Variants in TENM4 observed in about 807,000 individuals in gnomAD.
TENM4 encodes teneurin transmembrane protein 4, also known as teneurin-4.
A neutral mutation model predicts 243.3 loss-of-function variants in TENM4; 82 were observed. That is an observed-to-expected ratio of 0.34 (90% CI 0.28 to 0.40). The LOEUF is 0.40. TENM4 is among the 10% of genes least tolerant of loss of function. TENM4 has a pLI of 1.00. For missense variants in TENM4, 3,138 were observed against 3,673.3 expected (o/e 0.85, Z 3.77); for synonymous variants, 1,412 against 1,456.3 (o/e 0.97, Z 0.69).
intron 12 of TENM4, among the ~76,000 whole-genome samples, chr11:78,842,051 C>G (rs1858270159): frequency 6.6e-6 from 1 of 152,174 alleles, no homozygotes; most frequent in Non-Finnish European, 1.5e-5. Context: ...TACTCTGTTA[C>G]ACCCACACTC....
intron 20 of TENM4, among the ~76,000 whole-genome samples, chr11:78,736,340 A>G (rs528936992): frequency 6.6e-6 from 1 of 151,842 alleles, no homozygotes; most frequent in African/African-American, 2.4e-5. Context: ...GTTTTTCTTC[A>G]TGGCCTCTAT....
At chr11:79,279,872 T>C (rs898259175) in intron 2 of TENM4, among the ~76,000 whole-genome samples, 6 of 152,160 alleles carry the variant, frequency 3.9e-5, no homozygotes, top group African/African-American at 1.4e-4. Context: ...TATTAAGAGG[T>C]GTGACCTTTG....
At chr11:78,873,724 T>A (rs1160871836) in intron 9 of TENM4, among the ~76,000 whole-genome samples, 1 of 152,228 alleles carries the variant, frequency 6.6e-6, no homozygotes, top group Non-Finnish European at 1.5e-5. Context: ...ACACTTGACA[T>A]GGTATCTCTT....
At chr11:78,854,654 T>C (rs1266594253) in intron 11 of TENM4, among the ~76,000 whole-genome samples, 1 of 152,122 alleles carries the variant, frequency 6.6e-6, no homozygotes, top group East Asian at 1.9e-4. Flanking sequence ...GGGTGTGTGG[T>C]TAGAAACACA....
intron 2 of TENM4, among the ~76,000 whole-genome samples, chr11:79,217,350 T>C (rs1343550673): frequency 1.3e-5 from 2 of 152,114 alleles, no homozygotes; most frequent in Non-Finnish European, 2.9e-5. Context: ...AATGCCTTAT[T>C]ATACAAGAGA....
At position 79,143,758 on chromosome 11, in the gene TENM4, G is replaced by C. The variant is rs75026081; in HGVS notation, c.-66+4952C>G. On this transcript the variant is annotated intron_variant, in intron 4 of 33. Coordinates refer to ENST00000278550, the MANE Select transcript of TENM4 (RefSeq NM_001098816.3). ...ACAAGGTATCCATATGCAGAAGAAT[G>C]AAACTAGATCCCTACCTCTCACCAT... Among the ~76,000 whole-genome samples the C allele has an allele frequency of 4.2e-3, 633 of 151,848 alleles. 5 individuals carry two copies. The highest frequency in any genetic ancestry group is 0.014 in the African/African-American group (599 of 41,516).
intron 4 of TENM4, among the ~76,000 whole-genome samples, chr11:79,079,052 C>T (rs1310933120): frequency 1.3e-5 from 2 of 152,220 alleles, no homozygotes; most frequent in African/African-American, 2.4e-5. Context: ...GGCCTGGACT[C>T]CTGGGAGAAG....
intron 6 of TENM4, among the ~76,000 whole-genome samples, chr11:78,996,472 G>A (rs1340430936): frequency 6.6e-6 from 1 of 152,182 alleles, no homozygotes; most frequent in African/African-American, 2.4e-5. Flanking sequence ...AAGAGACCCT[G>A]AGCAGAACTT....
intron 12 of TENM4, among the ~76,000 whole-genome samples, chr11:78,818,352 A>T (rs1012618494): frequency 6.6e-6 from 1 of 152,206 alleles, no homozygotes; most frequent in African/African-American, 2.4e-5. Context: ...CTTCATAGTG[A>T]GAAAGGGACG....
chr11:79,409,212 A>G (rs1204925053), intron 1 of TENM4, among the ~76,000 whole-genome samples: 1 of 151,944 alleles, frequency 6.6e-6, no homozygotes, highest in African/African-American at 2.4e-5. Context: ...AAAAAAAAAA[A>G]AGATTATACT....
intron 27 of TENM4, among the ~76,000 whole-genome samples, chr11:78,704,157 G>GTATATATATATATATATA (rs1201390547): frequency 1.4e-5 from 1 of 70,536 alleles, no homozygotes; most frequent in African/African-American, 6.0e-5. Context: ...ATGTATGTGT[G>GTATATATATATATATATA]TCTATATATA....
chr11:79,102,850 C>T (rs1861269299), intron 4 of TENM4, among the ~76,000 whole-genome samples: 1 of 152,100 alleles, frequency 6.6e-6, no homozygotes, highest in African/African-American at 2.4e-5. Flanking sequence ...CTTTTTTTTC[C>T]AGATGTTCTT....
At position 78,658,203 on chromosome 11, in the gene TENM4, T is replaced by A; in HGVS notation, c.8165A>T (p.Glu2722Val). Residue 2722 changes from glutamate (E) to valine (V), a missense_variant, in exon 34 of 34, where the codon GAG (glutamate) becomes GTG (valine). Glu to Val is a moderately radical substitution (Grantham distance 121). This residue lies in a region of TENM4 where 2,467 missense variants were observed against 3,059.1 expected (regional missense o/e 0.81). Coordinates refer to ENST00000278550, the MANE Select transcript of TENM4 (RefSeq NM_001098816.3). ...EGEEGLRAWT[E>V]GEKQQVLSTG... ...GCTCAGCACCTGCTGCTTCTCCCCC[T>A]CTGTCCAGGCCCGCAGGCCTTCCTC... 1.9e-6 allele frequency: 3 copies of A among 1,614,002 alleles called. No individual in the cohort carries two copies. Among genetic ancestry groups the A allele is most frequent in the Non-Finnish European group, 2.5e-6 (3 of 1,179,888 alleles).
chr11:78,809,803 G>A (rs1857459743), intron 14 of TENM4, among the ~76,000 whole-genome samples: 1 of 152,162 alleles, frequency 6.6e-6, no homozygotes, highest in African/African-American at 2.4e-5. Context: ...TCTGGCAGAA[G>A]CATAGCCCAT....
intron 3 of TENM4, among the ~76,000 whole-genome samples, chr11:79,209,915 G>T (rs1211995879): frequency 1.3e-5 from 2 of 152,186 alleles, no homozygotes; most frequent in Non-Finnish European, 2.9e-5. Flanking sequence ...TGGAAATGGG[G>T]ACATTTCTAT....
intron 1 of TENM4, among the ~76,000 whole-genome samples, chr11:79,334,289 T>C (rs1457394971): frequency 6.6e-6 from 1 of 152,184 alleles, no homozygotes; most frequent in Non-Finnish European, 1.5e-5. Context: ...AGATCCTCAA[T>C]GATGTCTCTG....
chr11:78,670,406 TGATA>T lies in TENM4; in HGVS notation c.5935_5938del (p.Tyr1979SerfsTer31). Reference sequence around the variant, plus strand: ...GACTGAGGCATTGCCCTCAGGGGGCTGATAGATGTTTCTGTAGTAGCCCACTGAG... The same window carrying T: ...GACTGAGGCATTGCCCTCAGGGGGCTGATGTTTCTGTAGTAGCCCACTGAG... On this transcript the variant is annotated frameshift_variant, in exon 32 of 34. Transcript: ENST00000278550. LOFTEE classifies it high-confidence loss of function. The T allele has an allele frequency of 6.2e-7, 1 of 1,613,978 alleles. No homozygotes were observed. Among genetic ancestry groups the T allele is most frequent in the Non-Finnish European group, 8.5e-7 (1 of 1,179,884 alleles).
intron 6 of TENM4, among the ~76,000 whole-genome samples, chr11:79,021,286 G>A (rs1445109869): frequency 6.6e-6 from 1 of 152,176 alleles, no homozygotes; most frequent in Non-Finnish European, 1.5e-5. Context: ...ACTTTTGTTG[G>A]ATGAATGGCC....
intron 6 of TENM4, among the ~76,000 whole-genome samples, chr11:78,935,262 C>T (rs573038544): frequency 1.6e-4 from 25 of 152,058 alleles, no homozygotes; most frequent in African/African-American, 5.8e-4. Context: ...CCACCCGCCT[C>T]GGCCTCCCAA....
Sources: allele counts gnomAD v4.1 joint callset (sites outside exome capture counted in the v4.1 genomes callset), GRCh38; gene constraint gnomAD v4.1.1; regional missense constraint gnomAD v4.1.1; transcripts MANE v1.5; gene names NCBI Gene and HGNC (gene_info 2026-07-23, HGNC 2026-07-21).